The following PHACTR3 variants were observed in gnomAD, a reference collection of about 807,000 sequenced individuals.
PHACTR3 encodes phosphatase and actin regulator 3.
PHACTR3 carries 16 observed loss-of-function variants against 66.8 expected under a neutral mutation model. The ratio of observed to expected loss-of-function variants is 0.24; its 90% CI spans 0.16 to 0.36. PHACTR3 has a LOEUF of 0.36. PHACTR3 is among the 10% of genes least tolerant of loss of function. The pLI, the probability that PHACTR3 is intolerant of heterozygous loss-of-function variation, is 1.00. For missense variants in PHACTR3, 647 were observed against 719.9 expected, an observed-to-expected ratio of 0.90 and a Z score of 1.16; for synonymous variants, 323 against 292.1, an observed-to-expected ratio of 1.11 and a Z score of -1.08.
intron 1 of PHACTR3, among the ~76,000 whole-genome samples, chr20:59,640,144 G>C (rs6070886): frequency 6.6e-6 from 1 of 152,114 alleles, no homozygotes; most frequent in African/African-American, 2.4e-5. Flanking sequence ...GGGTCAGCCC[G>C]TCAGCAGCTG....
chr20:59,678,958 G>A (rs1012755234), intron 1 of PHACTR3, among the ~76,000 whole-genome samples: 12 of 151,732 alleles, frequency 7.9e-5, no homozygotes, highest in African/African-American at 2.7e-4. Context: ...AGCAGGTCTG[G>A]GTGGGGTGGG....
intron 1 of PHACTR3, among the ~76,000 whole-genome samples, chr20:59,689,714 A>G (rs2037036291): frequency 6.6e-6 from 1 of 152,178 alleles, no homozygotes; most frequent in Non-Finnish European, 1.5e-5. Context: ...GTAGAGTTCC[A>G]GGGGAGGGCA....
rs370285242 is a variant in PHACTR3 at position 59,747,842 on chromosome 20, G to A, written c.358+7G>A. On this transcript the variant is annotated splice_region_variant and intron_variant, in intron 3 of 12. Transcript: ENST00000371015. The stretch of plus-strand genomic sequence containing the variant: ...CTGGAGATGATGGAGCAGGGTAAGT[G>A]GGACCCGTCCCTGGCTTGGAAGGGC... 6.2e-5 allele frequency: 100 copies of A among 1,613,424 alleles called. No individual in the cohort carries two copies. Among genetic ancestry groups the A allele is most frequent in the Non-Finnish European group, 7.8e-5 (92 of 1,179,722 alleles).
intron 1 of PHACTR3, among the ~76,000 whole-genome samples, chr20:59,657,236 A>G (rs1330503246): frequency 6.7e-6 from 1 of 149,328 alleles, no homozygotes; most frequent in African/African-American, 2.5e-5. Context: ...TGTATGTTAT[A>G]GGCACAATGA....
rs554942698 is a variant in PHACTR3, at chr20:59,842,970, C to T, written c.1587+1435C>T. On this transcript the variant is annotated intron_variant, in intron 11 of 12. Transcript: ENST00000371015. Reference sequence around the variant, plus strand: ...CTTTACAGACAATATGATCTTATACCTAGAGAAACCTAAAGACTCCACCAA... The same window carrying T: ...CTTTACAGACAATATGATCTTATACTTAGAGAAACCTAAAGACTCCACCAA... Among the ~76,000 whole-genome samples the T allele has an allele frequency of 1.5e-3, 231 of 152,136 alleles. 1 individual carries two copies. The highest frequency in any genetic ancestry group is 5.3e-3 in the African/African-American group (220 of 41,506).
chr20:59,692,185 G>A (rs7345319), intron 1 of PHACTR3, among the ~76,000 whole-genome samples: 10,404 of 152,192 alleles, frequency 0.068, 1,125 homozygotes, highest in African/African-American at 0.23. Flanking sequence ...AGTACCCAGG[G>A]CATGGTGTTT....
chr20:59,726,677 T>C (rs118130827), intron 1 of PHACTR3, among the ~76,000 whole-genome samples: 9 of 152,282 alleles, frequency 5.9e-5, no homozygotes, highest in Non-Finnish European at 1.2e-4. Flanking sequence ...AAGGGTACGA[T>C]TCATGTGTGC....
At chr20:59,843,889 G>C (rs1254658574) in intron 11 of PHACTR3, 3 of 151,742 alleles carry the variant, frequency 2.0e-5, no homozygotes, top group African/African-American at 7.3e-5. Context: ...AGACAACAGG[G>C]AATATGAGAA....
intron 7 of PHACTR3, among the ~76,000 whole-genome samples, chr20:59,776,182 A>G (rs1221674049): frequency 6.6e-6 from 1 of 152,104 alleles, no homozygotes; most frequent in Non-Finnish European, 1.5e-5. Flanking sequence ...AGGGCCCCTT[A>G]CCGGGTGTTT....
chr20:59,686,764 ATGATGG>A (rs1364375596), intron 1 of PHACTR3, among the ~76,000 whole-genome samples: 2 of 142,146 alleles, frequency 1.4e-5, no homozygotes, highest in East Asian at 2.3e-4. Context: ...GATGGTGATG[ATGATGG>A]TGATGATGAT....
intron 1 of PHACTR3, among the ~76,000 whole-genome samples, chr20:59,673,896 A>G (rs2036280756): frequency 6.6e-6 from 1 of 152,064 alleles, no homozygotes; most frequent in South Asian, 2.1e-4. Context: ...ACAGTGGAAG[A>G]GGAGAAGAGC....
chr20:59,788,777 C>G (rs186854148), intron 7 of PHACTR3, among the ~76,000 whole-genome samples: 97 of 152,314 alleles, frequency 6.4e-4, no homozygotes, highest in African/African-American at 2.2e-3. Flanking sequence ...GAAACCCGCT[C>G]AACTTCCCAG....
intron 1 of PHACTR3, among the ~76,000 whole-genome samples, chr20:59,618,175 G>A (rs1231835777): frequency 6.6e-6 from 1 of 152,248 alleles, no homozygotes; most frequent in Non-Finnish European, 1.5e-5. Context: ...GGTGGGGGCA[G>A]CTTCGGCTGG....
At chr20:59,601,587 C>A (rs561114275), upstream of PHACTR3, among the ~76,000 whole-genome samples, 1 of 152,322 alleles carries the variant, frequency 6.6e-6, no homozygotes, top group South Asian at 2.1e-4. Context: ...GGACCAGATC[C>A]TCACAGGGCT....
At chr20:59,670,246 T>A (rs1024978908) in intron 1 of PHACTR3, among the ~76,000 whole-genome samples, 2 of 151,324 alleles carry the variant, frequency 1.3e-5, no homozygotes, top group Non-Finnish European at 1.5e-5. Flanking sequence ...GAAGAAGGAG[T>A]GATGGGTGCT....
chr20:59,656,863 A>T (rs1261235105), intron 1 of PHACTR3, among the ~76,000 whole-genome samples: 1 of 151,956 alleles, frequency 6.6e-6, no homozygotes, highest in African/African-American at 2.4e-5. Flanking sequence ...AATTCTTCAG[A>T]TTCATACTAA....
chr20:59,691,539 T>G (rs910333850), intron 1 of PHACTR3, among the ~76,000 whole-genome samples: 1 of 152,206 alleles, frequency 6.6e-6, no homozygotes. Flanking sequence ...AAAGCCACAT[T>G]GTTTTAATTA....
intron 1 of PHACTR3, among the ~76,000 whole-genome samples, chr20:59,584,460 G>A (rs2032960468): frequency 6.6e-6 from 1 of 152,140 alleles, no homozygotes; most frequent in Non-Finnish European, 1.5e-5. Context: ...AGGAGTGTGT[G>A]TGAAGGTGTG....
At chr20:59,693,279 T>A (rs2037175841) in intron 1 of PHACTR3, among the ~76,000 whole-genome samples, 2 of 152,230 alleles carry the variant, frequency 1.3e-5, no homozygotes, top group Admixed American at 6.5e-5. Context: ...TAGCCCACAA[T>A]CCGTCCCCAT....
Sources: allele counts gnomAD v4.1 joint callset (sites outside exome capture counted in the v4.1 genomes callset), GRCh38; gene constraint gnomAD v4.1.1; transcripts MANE v1.5; gene names NCBI Gene and HGNC (gene_info 2026-07-23, HGNC 2026-07-21).